The following BEND7 variants were observed in gnomAD, a reference collection of about 807,000 sequenced individuals.
The protein encoded by BEND7 is BEN domain containing 7.
A neutral mutation model predicts 50.9 loss-of-function variants in BEND7; 28 were observed. The observed-to-expected ratio is 0.55, with a 90% CI of 0.41 to 0.75. The LOEUF (loss-of-function observed/expected upper bound fraction) is 0.75. Ranked by LOEUF, BEND7 falls within the 30% of genes least tolerant of loss-of-function variation. BEND7 has a pLI of 0.00. For synonymous variants in BEND7, 170 were observed against 183.9 expected, an observed-to-expected ratio of 0.92 and a Z score of 0.61; for missense variants, 477 against 491.3, an observed-to-expected ratio of 0.97 and a Z score of 0.28.
chr10:13,486,356 A>C (rs1463621618), intron 5 of BEND7, among the ~76,000 whole-genome samples: 2 of 152,214 alleles, frequency 1.3e-5, no homozygotes, highest in Non-Finnish European at 2.9e-5. Context: ...TATGCTGAGA[A>C]TATAGCCCAT....
chr10:13,459,480 A>T (rs1370845714), intron 6 of BEND7: 13 of 152,228 alleles, frequency 8.5e-5, no homozygotes. Context: ...CTTGATATCC[A>T]TCTATTGTAT....
intron 6 of BEND7, among the ~76,000 whole-genome samples, chr10:13,476,539 A>G (rs891474605): frequency 6.6e-6 from 1 of 152,202 alleles, no homozygotes; most frequent in Non-Finnish European, 1.5e-5. Flanking sequence ...TCGAATTAAA[A>G]ATCCTACAAC....
In BEND7 at chr10:13,465,550, G is replaced by C. The variant is rs187259951; in HGVS notation, c.1064-12892C>G. ...GGCTGATGTAATGAAAAGGGCCCTA[G>C]ATATCCATAAAACTGATTCCAAGCC... On this transcript the variant is annotated intron_variant, in intron 6 of 8. Coordinates refer to ENST00000466271, the MANE Select transcript of BEND7 (RefSeq NM_001369863.1). Among the ~76,000 whole-genome samples the C allele has an allele frequency of 6.3e-3, 961 of 152,262 alleles. 27 individuals are homozygous for C. The highest frequency in any genetic ancestry group is 0.047 in the Admixed American group (725 of 15,294).
intron 2 of BEND7, among the ~76,000 whole-genome samples, chr10:13,522,457 T>C (rs1227693565): frequency 2.0e-5 from 3 of 152,176 alleles, no homozygotes; most frequent in African/African-American, 7.2e-5. Flanking sequence ...CCCATCATTA[T>C]AGGAATCATT....
chr10:13,513,549 C>A (rs12262884), intron 2 of BEND7, among the ~76,000 whole-genome samples: 2 of 152,048 alleles, frequency 1.3e-5, no homozygotes, highest in African/African-American at 4.8e-5. Flanking sequence ...CTCCCTCCCA[C>A]AGCTGATTCG....
chr10:13,496,896 T>C lies in BEND7; in HGVS notation c.449-8A>G, dbSNP rs376961432. ...TCACCACTGGAAGTTCTCCTGAGCATGAAAGAAAAGAATGACATACTCCAA... is the reference window on the plus strand; with the variant it reads ...TCACCACTGGAAGTTCTCCTGAGCACGAAAGAAAAGAATGACATACTCCAA... On this transcript the variant is annotated splice_region_variant and splice_polypyrimidine_tract_variant and intron_variant, in intron 3 of 8. Transcript: ENST00000466271. 7 of 1,411,902 alleles carry C rather than the reference T, an allele frequency of 5.0e-6. No individual in the cohort carries two copies. The highest frequency in any genetic ancestry group is 2.4e-5 in the Admixed American group (1 of 40,958). The allele number at this position is 1,411,902 out of a possible 1,614,324, so 87.5% of individuals were successfully genotyped here.
chr10:13,524,253 T>C (rs1429194848), intron 2 of BEND7, among the ~76,000 whole-genome samples: 1 of 152,220 alleles, frequency 6.6e-6, no homozygotes, highest in Admixed American at 6.5e-5. Context: ...ATCAAGGACA[T>C]GATGTTCCCT....
At position 13,528,156 on chromosome 10, in the gene BEND7, A is replaced by C. The variant is rs571364337; in HGVS notation, c.61+317T>G. On this transcript the variant is annotated intron_variant, in intron 1 of 8. Transcript: ENST00000466271. ...AGGGTCCACGCTCGGCCTGATGGCC[A>C]GGCAGGTCCGCGGCCGCCCCAGCCC... 6.4e-4 allele frequency among the ~76,000 whole-genome samples: 97 copies of C among 152,120 alleles called. 1 individual carries two copies. Among genetic ancestry groups the C allele is most frequent in the Non-Finnish European group, 1.0e-3 (69 of 68,000 alleles).
At chr10:13,468,556 A>G (rs917619228) in intron 6 of BEND7, among the ~76,000 whole-genome samples, 3 of 152,142 alleles carry the variant, frequency 2.0e-5, no homozygotes, top group African/African-American at 7.2e-5. Flanking sequence ...ATGTCACGAG[A>G]TTTGGTTTTC....
At chr10:13,488,270 TAA>T (rs1033351056) in intron 5 of BEND7, among the ~76,000 whole-genome samples, 32 of 152,130 alleles carry the variant, frequency 2.1e-4, no homozygotes, top group African/African-American at 7.7e-4. Flanking sequence ...AAAATATTGT[TAA>T]AAACTAATCT....
At chr10:13,503,462 C>T (rs980655795) in intron 2 of BEND7, among the ~76,000 whole-genome samples, 1 of 152,164 alleles carries the variant, frequency 6.6e-6, no homozygotes, top group African/African-American at 2.4e-5. Flanking sequence ...CCTGTAATCC[C>T]AGCACTTTGG....
intron 2 of BEND7, among the ~76,000 whole-genome samples, chr10:13,516,463 C>A (rs1000528805): frequency 3.3e-5 from 5 of 152,202 alleles, no homozygotes; most frequent in Admixed American, 3.3e-4. Flanking sequence ...CGGTGGCTCA[C>A]GCTGGTAATT....
intron 6 of BEND7, among the ~76,000 whole-genome samples, chr10:13,474,141 T>C (rs2075200672): frequency 2.0e-5 from 3 of 152,122 alleles, no homozygotes; most frequent in Admixed American, 6.5e-5. Flanking sequence ...TCATCGCTGT[T>C]AGACTTGTGG....
At chr10:13,504,974 T>A (rs1184218417) in intron 2 of BEND7, among the ~76,000 whole-genome samples, 1 of 152,202 alleles carries the variant, frequency 6.6e-6, no homozygotes, top group Non-Finnish European at 1.5e-5. Flanking sequence ...ACACACAAGG[T>A]TGCCCTTAAC....
At chr10:13,462,265 A>C (rs900417211) in intron 6 of BEND7, among the ~76,000 whole-genome samples, 1 of 152,222 alleles carries the variant, frequency 6.6e-6, no homozygotes, top group Non-Finnish European at 1.5e-5. Context: ...CTCACAGTTT[A>C]ACATGGCTGG....
At chr10:13,514,506 C>A (rs546441262) in intron 2 of BEND7, among the ~76,000 whole-genome samples, 36 of 152,130 alleles carry the variant, frequency 2.4e-4, no homozygotes, top group Admixed American at 5.9e-4. Flanking sequence ...TTGCAGATGA[C>A]GTGTGGGAAA....
At position 13,441,915 on chromosome 10, in the gene BEND7, G is replaced by C. The variant is rs553226775; in HGVS notation, c.1235-165C>G. 7.0e-5 allele frequency: 47 copies of C among 675,858 alleles called. No individual in the cohort carries two copies. The East Asian group carries it at 1.2e-3, about 18-fold the overall frequency. 41.9% of individuals were successfully genotyped at this position (675,858 alleles called of 1,614,324 possible). A position where few individuals can be genotyped will look rare whatever the true frequency, so the allele number is the denominator to read the frequency against. On this transcript the variant is annotated intron_variant, in intron 8 of 8. Transcript: ENST00000466271. ...ACATATATGAGATGTAACTTGTCTA[G>C]TAGTTAGATTGATTCTACAAGCCAC...
chr10:13,493,024 T>A (rs2076779298), intron 4 of BEND7, 148 bp from the exon 5 acceptor site: 2 of 985,454 alleles, frequency 2.0e-6, no homozygotes, highest in Non-Finnish European at 2.9e-6. Context: ...CAACTGGACC[T>A]AAAGGTTACC....
intron 8 of BEND7, 192 bp downstream of exon 8, chr10:13,447,074 G>T: frequency 3.2e-6 from 2 of 621,084 alleles, no homozygotes; most frequent in African/African-American, 1.9e-5. Context: ...TGAGAAAAAC[G>T]TTTTTCTATT....
Sources: gnomAD v4.1 joint callset for allele counts (sites outside exome capture counted in the v4.1 genomes callset) on GRCh38, gnomAD v4.1.1 for gene constraint, MANE v1.5 for transcripts, NCBI Gene and HGNC (gene_info 2026-07-23, HGNC 2026-07-21) for gene names.